Variants in TENM4 observed in about 807,000 individuals in gnomAD.
The protein encoded by TENM4 is teneurin transmembrane protein 4.
A neutral mutation model predicts 243.3 loss-of-function variants in TENM4; 82 were observed. The ratio of observed to expected loss-of-function variants is 0.34; its 90% CI spans 0.28 to 0.40. The LOEUF is 0.40. TENM4 is among the 10% of genes least tolerant of loss of function. TENM4 has a pLI of 1.00. For missense variants in TENM4, 3,138 were observed against 3,673.3 expected (o/e 0.85, Z 3.77); for synonymous variants, 1,412 against 1,456.3 (o/e 0.97, Z 0.69).
chr11:79,015,201 G>A (rs1317809070), intron 6 of TENM4, among the ~76,000 whole-genome samples: 2 of 152,190 alleles, frequency 1.3e-5, no homozygotes. Context: ...CATAGAAGGT[G>A]GGCATTGCTT....
At chr11:79,210,234 A>G (rs1475136153) in intron 3 of TENM4, among the ~76,000 whole-genome samples, 2 of 152,172 alleles carry the variant, frequency 1.3e-5, no homozygotes, top group African/African-American at 4.8e-5. Flanking sequence ...ACAGGGCCTG[A>G]CCATGTAATA....
chr11:79,270,074 GATTT>G lies in TENM4; in HGVS notation c.-265+27410_-265+27413del, dbSNP rs1855943514. On this transcript the variant is annotated intron_variant, in intron 2 of 33. Coordinates refer to ENST00000278550, the MANE Select transcript of TENM4 (RefSeq NM_001098816.3). ...CACCAAGACTCCTCAGTGATTGCTGGATTTGTCCCCAGGTTCCCATCCCCCTAGC... is the reference window on the plus strand; with the variant it reads ...CACCAAGACTCCTCAGTGATTGCTGGGTCCCCAGGTTCCCATCCCCCTAGC... 2.0e-5 allele frequency among the ~76,000 whole-genome samples: 3 copies of G among 151,972 alleles called. No homozygotes were observed. In the South Asian group the frequency reaches 6.3e-4, roughly 32 times the overall value.
chr11:79,277,948 G>T (rs1330961843), intron 2 of TENM4, among the ~76,000 whole-genome samples: 1 of 152,152 alleles, frequency 6.6e-6, no homozygotes, highest in Non-Finnish European at 1.5e-5. Flanking sequence ...CCCCTAAGCA[G>T]CCTTCCTGCT....
At chr11:79,164,441 C>T (rs1205177118) in intron 3 of TENM4, among the ~76,000 whole-genome samples, 17 of 127,084 alleles carry the variant, frequency 1.3e-4, no homozygotes, top group Non-Finnish European at 2.2e-4. Context: ...TATATATGTA[C>T]TATATAGTAT....
intron 1 of TENM4, among the ~76,000 whole-genome samples, chr11:79,409,097 TGTGTGCGC>T (rs777042132): frequency 0.058 from 6,082 of 104,544 alleles, 115 homozygotes; most frequent in Non-Finnish European, 0.064. Context: ...TGTGTGTGTG[TGTGTGCGC>T]GCGCGCGCGT....
At chr11:79,035,541 GAA>G (rs11390542) in intron 6 of TENM4, among the ~76,000 whole-genome samples, 74 of 143,580 alleles carry the variant, frequency 5.2e-4, no homozygotes, top group African/African-American at 1.9e-3. Flanking sequence ...ATTCAGACAA[GAA>G]AAAAAAAAAA....
chr11:78,945,110 C>T (rs941744517), intron 6 of TENM4, among the ~76,000 whole-genome samples: 1 of 152,166 alleles, frequency 6.6e-6, no homozygotes, highest in African/African-American at 2.4e-5. Flanking sequence ...TAGAGATCTA[C>T]GTAAGGGCAT....
intron 28 of TENM4, among the ~76,000 whole-genome samples, chr11:78,699,698 A>C (rs1423209978): frequency 6.6e-6 from 1 of 152,214 alleles, no homozygotes; most frequent in Non-Finnish European, 1.5e-5. Context: ...CTATAGCTGT[A>C]TATTTCATCA....
At chr11:79,296,666 T>C (rs149647693) in intron 2 of TENM4, among the ~76,000 whole-genome samples, 1 of 152,374 alleles carries the variant, frequency 6.6e-6, no homozygotes, top group East Asian at 1.9e-4. Context: ...ACAAATGTTT[T>C]AGATTTAGTA....
At chr11:78,844,247 C>T (rs185143563) in intron 12 of TENM4, among the ~76,000 whole-genome samples, 1 of 152,264 alleles carries the variant, frequency 6.6e-6, no homozygotes, top group Admixed American at 6.5e-5. Flanking sequence ...AGCCTAACCC[C>T]CAATGTGACT....
chr11:78,928,798 G>A (rs1452175326), intron 6 of TENM4, among the ~76,000 whole-genome samples: 3 of 152,202 alleles, frequency 2.0e-5, no homozygotes, highest in African/African-American at 7.2e-5. Context: ...CATGGACCTG[G>A]ATTGATCTAG....
intron 31 of TENM4, among the ~76,000 whole-genome samples, chr11:78,671,022 A>C (rs912253973): frequency 6.6e-6 from 1 of 152,210 alleles, no homozygotes; most frequent in African/African-American, 2.4e-5. Flanking sequence ...GGCAAGAGTG[A>C]GCTCCTCCAA....
At chr11:79,175,599 G>T (rs1863144399) in intron 3 of TENM4, among the ~76,000 whole-genome samples, 1 of 152,216 alleles carries the variant, frequency 6.6e-6, no homozygotes, top group South Asian at 2.1e-4. Context: ...AAAATTTAAT[G>T]TGGAATGCAG....
In TENM4 at chr11:79,383,360, C is replaced by G. The variant is rs540421487; in HGVS notation, c.-321+57149G>C. ...GACCTGGGTGGTTTGGTTCCACCCC[C>G]AGGTGCCCTCAACATCTCTTATTTG... On this transcript the variant is annotated intron_variant, in intron 1 of 33. Transcript: ENST00000278550. 1.3e-4 allele frequency among the ~76,000 whole-genome samples: 20 copies of G among 152,360 alleles called. No homozygotes were observed. The East Asian group carries it at 3.9e-3, about 29-fold the overall frequency.
At chr11:78,986,698 T>G (rs1591184815) in intron 6 of TENM4, among the ~76,000 whole-genome samples, 1 of 152,118 alleles carries the variant, frequency 6.6e-6, no homozygotes, top group Non-Finnish European at 1.5e-5. Flanking sequence ...CTCAGCCTCC[T>G]GAGTAGCTGG....
intron 1 of TENM4, among the ~76,000 whole-genome samples, chr11:79,358,605 CCCTTCCTCCCTTCCTGCCTGCCTG>C (rs1274339132): frequency 1.3e-5 from 2 of 151,860 alleles, no homozygotes; most frequent in Admixed American, 1.3e-4. Flanking sequence ...TTCCCTCCTT[CCCTTCCTCCCTTCCTGCCTGCCTG>C]CCTTCCTTCC....
At chr11:79,279,628 G>C (rs550371789) in intron 2 of TENM4, among the ~76,000 whole-genome samples, 2 of 151,906 alleles carry the variant, frequency 1.3e-5, no homozygotes, top group African/African-American at 4.8e-5. Flanking sequence ...CTATCCCACT[G>C]CCCCATAGCT....
chr11:79,282,216 A>G (rs551900003), intron 2 of TENM4, among the ~76,000 whole-genome samples: 2 of 152,298 alleles, frequency 1.3e-5, no homozygotes, highest in African/African-American at 2.4e-5. Context: ...GGCCCCCTTT[A>G]TGCCTACATT....
rs1313878765 is a variant in TENM4 at position 79,438,595 on chromosome 11, G to A, written c.-321+1914C>T. ...ATCTCCAAGGGGGACCAGGCACCGC[G>A]GGCAGGTTTCTAAACACGTGAAGGG... On this transcript the variant is annotated intron_variant, in intron 1 of 33. Coordinates refer to ENST00000278550, the MANE Select transcript of TENM4 (RefSeq NM_001098816.3). This position sits in a 1 kb window ranked among gnomAD's most constrained non-coding sequence, Gnocchi z 4.1. 6.6e-6 allele frequency among the ~76,000 whole-genome samples: 1 copy of A among 152,182 alleles called. No individual in the cohort carries two copies. Among genetic ancestry groups the A allele is most frequent in the Non-Finnish European group, 1.5e-5 (1 of 68,036 alleles).
Sources: allele counts gnomAD v4.1 joint callset (sites outside exome capture counted in the v4.1 genomes callset), GRCh38; gene constraint gnomAD v4.1.1; non-coding constraint Gnocchi (gnomAD v3.1); transcripts MANE v1.5; gene names NCBI Gene and HGNC (gene_info 2026-07-23, HGNC 2026-07-21).